Variants in ZNF722 observed in about 807,000 individuals in gnomAD.
ZNF722 encodes the protein zinc finger protein 479 pseudogene.
chr7:64,013,502 G>A, the ZNF722 span, among the ~76,000 whole-genome samples: 1 of 151,490 alleles, frequency 6.6e-6, no homozygotes, highest in Non-Finnish European at 1.5e-5. Flanking sequence ...AGTTACAACA[G>A]TACATTTTAA....
chr7:64,001,315 G>T, the ZNF722 span, among the ~76,000 whole-genome samples: 4 of 152,028 alleles, frequency 2.6e-5, no homozygotes, highest in Non-Finnish European at 4.4e-5. Flanking sequence ...TCATTATTTT[G>T]CTCCCACTTA....
At chr7:64,004,456 A>ATATATAT in the ZNF722 span, among the ~76,000 whole-genome samples, 3 of 140,224 alleles carry the variant, frequency 2.1e-5, no homozygotes, top group African/African-American at 5.4e-5. Context: ...ATATATATAT[A>ATATATAT]AAATTAAATT....
chr7:64,015,070 G>A, the ZNF722 span: 2 of 1,370,744 alleles, frequency 1.5e-6, no homozygotes, highest in Non-Finnish European at 2.1e-6. Context: ...CCAGAGCAGG[G>A]CATAAAACAT....
At chr7:64,014,168 C>G in the ZNF722 span, among the ~76,000 whole-genome samples, 1 of 151,876 alleles carries the variant, frequency 6.6e-6, no homozygotes, top group South Asian at 2.1e-4. Flanking sequence ...TTACTTTTTT[C>G]ATACTTTAAA....
At chr7:64,009,206 T>A in the ZNF722 span, among the ~76,000 whole-genome samples, 2 of 152,234 alleles carry the variant, frequency 1.3e-5, no homozygotes, top group South Asian at 4.1e-4. Context: ...ACAATTTGAC[T>A]TCTTCTTTTC....
the ZNF722 span, among the ~76,000 whole-genome samples, chr7:64,010,975 T>C: frequency 1.3e-5 from 2 of 152,234 alleles, no homozygotes; most frequent in African/African-American, 4.8e-5. Flanking sequence ...CTTGTTGCAT[T>C]GATCCCTTTA....
the ZNF722 span, among the ~76,000 whole-genome samples, chr7:64,003,110 T>A: frequency 1.3e-5 from 2 of 152,002 alleles, no homozygotes; most frequent in East Asian, 1.9e-4. Context: ...TTCAGGAGAG[T>A]TTAGTTCAAC....
At chr7:64,010,814 T>C in the ZNF722 span, among the ~76,000 whole-genome samples, 1 of 152,192 alleles carries the variant, frequency 6.6e-6, no homozygotes, top group Non-Finnish European at 1.5e-5. Flanking sequence ...ACCTTCTGTC[T>C]TGTTGATCTG....
At chr7:64,016,543 G>A in the ZNF722 span, among the ~76,000 whole-genome samples, 6 of 152,188 alleles carry the variant, frequency 3.9e-5, no homozygotes, top group Non-Finnish European at 2.9e-5. Flanking sequence ...ATGTGGTAAC[G>A]CTTTTAACTA....
chr7:64,003,731 C>T, the ZNF722 span, among the ~76,000 whole-genome samples: 1 of 152,100 alleles, frequency 6.6e-6, no homozygotes, highest in African/African-American at 2.4e-5. Context: ...TTCTTGTATA[C>T]CATGCAGAAT....
chr7:64,015,241 C>T, the ZNF722 span: 5 of 1,209,488 alleles, frequency 4.1e-6, no homozygotes, highest in African/African-American at 1.5e-5. Context: ...ATATTTCAGA[C>T]TCATAAGTGT....
the ZNF722 span, among the ~76,000 whole-genome samples, chr7:64,000,514 G>A: frequency 1.5e-4 from 20 of 132,552 alleles, no homozygotes; most frequent in African/African-American, 5.5e-4. Context: ...GCAGTGGTGC[G>A]ATATTAGCTC....
the ZNF722 span, among the ~76,000 whole-genome samples, chr7:64,011,228 T>A: frequency 6.6e-6 from 1 of 152,170 alleles, no homozygotes; most frequent in East Asian, 1.9e-4. Flanking sequence ...GTCTTTTAAT[T>A]GGGGCATTTG....
the ZNF722 span, chr7:63,999,089 A>G: frequency 3.5e-6 from 5 of 1,430,272 alleles, no homozygotes; most frequent in Non-Finnish European, 4.9e-6. Context: ...ACTTCCTCGC[A>G]GTCAGCTCTG....
At chr7:64,004,239 G>GA in the ZNF722 span, among the ~76,000 whole-genome samples, 136 of 135,994 alleles carry the variant, frequency 1.0e-3, no homozygotes, top group South Asian at 6.5e-3. Flanking sequence ...CGTCTCTACG[G>GA]AAAAAAAAAA....
chr7:64,016,981 A>G, the ZNF722 span, among the ~76,000 whole-genome samples: 1 of 152,228 alleles, frequency 6.6e-6, no homozygotes, highest in Non-Finnish European at 1.5e-5. Context: ...CTCACACCTT[A>G]TGCCACAGGA....
the ZNF722 span, among the ~76,000 whole-genome samples, chr7:64,009,389 T>C: frequency 6.6e-6 from 1 of 152,218 alleles, no homozygotes; most frequent in Non-Finnish European, 1.5e-5. Context: ...TTGTCATAAA[T>C]AGCTCTTATT....
At chr7:64,015,002 T>A in the ZNF722 span, 2 of 1,263,568 alleles carry the variant, frequency 1.6e-6, no homozygotes, top group Non-Finnish European at 1.1e-6. Context: ...GTAAGTGGAG[T>A]AACTTGTGAT....
chr7:64,000,020 T>C, the ZNF722 span, among the ~76,000 whole-genome samples: 1 of 151,336 alleles, frequency 6.6e-6, no homozygotes, highest in East Asian at 1.9e-4. Flanking sequence ...TGAGTTAGAT[T>C]TTTTTTTTAA....
Sources: gnomAD v4.1 joint callset for allele counts (sites outside exome capture counted in the v4.1 genomes callset) on GRCh38, gnomAD v4.1.1 for gene constraint, MANE v1.5 for transcripts, NCBI Gene and HGNC (gene_info 2026-07-23, HGNC 2026-07-21) for gene names.